MTRFR: variants seen among roughly 807,000 people sequenced by gnomAD.
MTRFR encodes mitochondrial translation release factor in rescue.
A neutral mutation model predicts 11.9 loss-of-function variants in MTRFR; 10 were observed. The ratio of observed to expected loss-of-function variants is 0.84; its 90% confidence interval spans 0.52 to 1.42. The LOEUF (loss-of-function observed/expected upper bound fraction) is 1.42, where lower values mean the gene tolerates loss of function less well. Among genes scored for constraint, MTRFR ranks in the 40% most tolerant of loss-of-function variants. The pLI, the probability that MTRFR is intolerant of heterozygous loss-of-function variation, is 0.00. For synonymous variants in MTRFR, 77 were observed against 79.1 expected, an observed-to-expected ratio of 0.97 and a Z score of 0.14; for missense variants, 196 against 197.9, an observed-to-expected ratio of 0.99 and a Z score of 0.06.
At chr12:123,244,975 T>C (rs1593279695) in intron 1 of MTRFR, among the ~76,000 whole-genome samples, 1 of 113,906 alleles carries the variant, frequency 8.8e-6, no homozygotes, top group East Asian at 2.9e-4. Context: ...AGAGTCTTAC[T>C]CTTGTCACCC....
intron 1 of MTRFR, among the ~76,000 whole-genome samples, chr12:123,242,537 T>C (rs758962013): frequency 6.6e-6 from 1 of 152,144 alleles, no homozygotes; most frequent in Non-Finnish European, 1.5e-5. Flanking sequence ...TTAGCAGTCA[T>C]TGGAGTAGGG....
chr12:123,250,679 G>T (rs1017185732), intron 1 of MTRFR: 2 of 152,220 alleles, frequency 1.3e-5, no homozygotes, highest in Non-Finnish European at 2.9e-5. Flanking sequence ...GGTACTGGAG[G>T]TTATCTGCAG....
At chr12:123,252,630 C>G (rs958401481) in intron 1 of MTRFR, 40 of 10,236 alleles carry the variant, frequency 3.9e-3, no homozygotes, top group African/African-American at 3.9e-3. Flanking sequence ...AAATAGACTA[C>G]TCAGCCCTGG....
chr12:123,241,968 T>G (rs191869733), intron 1 of MTRFR, among the ~76,000 whole-genome samples: 1 of 152,336 alleles, frequency 6.6e-6, no homozygotes, highest in East Asian at 1.9e-4. Context: ...GAACCACTGC[T>G]CTATAGTATG....
upstream of MTRFR, chr12:123,233,361 G>T (rs997164591): frequency 6.6e-6 from 1 of 152,294 alleles, no homozygotes; most frequent in Non-Finnish European, 1.5e-5. Context: ...AGGGAAAGAA[G>T]CTTCAGTTTC....
At chr12:123,240,209 CAAA>C (rs55859746) in intron 1 of MTRFR, among the ~76,000 whole-genome samples, 70,428 of 135,148 alleles carry the variant, frequency 0.52, 21,037 homozygotes, top group East Asian at 0.69. Flanking sequence ...ATTAAAAATA[CAAA>C]AAAAAAAAAA....
At chr12:123,244,489 T>A (rs1363118182) in intron 1 of MTRFR, among the ~76,000 whole-genome samples, 3 of 152,186 alleles carry the variant, frequency 2.0e-5, no homozygotes, top group Non-Finnish European at 2.9e-5. Flanking sequence ...CTACATAATC[T>A]ACTAAGTAAT....
intron 1 of MTRFR, among the ~76,000 whole-genome samples, chr12:123,246,711 T>A (rs1052130158): frequency 1.2e-3 from 5 of 4,196 alleles, no homozygotes; most frequent in African/African-American, 1.3e-3. Flanking sequence ...TAATTTCAAT[T>A]TTTTTTTTTT....
At chr12:123,250,305 A>G (rs550160690) in intron 1 of MTRFR, 1 of 152,154 alleles carries the variant, frequency 6.6e-6, no homozygotes, top group African/African-American at 2.4e-5. Context: ...GGATTTCCTT[A>G]CATTGGGCTT....
intron 1 of MTRFR, among the ~76,000 whole-genome samples, chr12:123,240,212 A>T (rs1216284950): frequency 9.1e-5 from 1 of 10,992 alleles, no homozygotes; most frequent in Non-Finnish European, 4.2e-3. Context: ...AAAAATACAA[A>T]AAAAAAAAAA....
In MTRFR at chr12:123,256,848, G is replaced by A. The variant is rs770782497; in HGVS notation, c.318G>A (p.Lys106=). The change falls in exon 3 of 3, where the codon AAG becomes AAA. Residue 106 remains lysine, a synonymous_variant. Transcript: ENST00000253233. ...CAAGATCAGTTGATCAGAACAGAAA[G>A]CTAGCTCGGAAAATCCTACAAGAGA... is the stretch of plus-strand genomic sequence containing the variant. ...HQTRSVDQNR[K]LARKILQEKV... 2.5e-6 allele frequency: 4 copies of A among 1,613,628 alleles called. No homozygotes were observed. Among genetic ancestry groups the A allele is most frequent in the Admixed American group, 1.7e-5 (1 of 59,970 alleles).
chr12:123,235,634 G>A (rs374563035), intron 1 of MTRFR, among the ~76,000 whole-genome samples: 28 of 149,834 alleles, frequency 1.9e-4, no homozygotes, highest in African/African-American at 6.4e-4. Context: ...GGCCTCCCAC[G>A]GTGCTGGGAT....
At chr12:123,243,214 C>T (rs990767385) in intron 1 of MTRFR, among the ~76,000 whole-genome samples, 2 of 151,852 alleles carry the variant, frequency 1.3e-5, no homozygotes, top group Admixed American at 6.6e-5. Flanking sequence ...GAGCATCTTG[C>T]CAATACCATC....
chr12:123,238,029 G>T (rs762922604), intron 1 of MTRFR, among the ~76,000 whole-genome samples: 1 of 151,814 alleles, frequency 6.6e-6, no homozygotes, highest in Middle Eastern at 3.4e-3. Flanking sequence ...CCGAGTAGCC[G>T]GGACTACAGG....
At chr12:123,254,082 A>G (rs1593287898) in intron 2 of MTRFR, 126 bp downstream of exon 2, 12 of 1,162,618 alleles carry the variant, frequency 1.0e-5, no homozygotes. Context: ...GCCACCCTCT[A>G]CCAGCCAGGC....
chr12:123,257,675 C>G lies in MTRFR; in HGVS notation c.*644C>G, dbSNP rs776036162. The G allele has an allele frequency of 1.3e-5, 2 of 152,678 alleles. No individual in the cohort carries two copies. The highest frequency in any genetic ancestry group is 2.4e-5 in the African/African-American group (1 of 41,446). The allele number at this position is 152,678 out of a possible 1,614,324, so 9.5% of individuals were successfully genotyped here. ...ACTGCACTCCACCTGTCCACTTGTT[C>G]TTGTGTGACAGAACAAGACCCTGTC... On this transcript the variant is annotated 3_prime_UTR_variant, in exon 3 of 3. Transcript: ENST00000253233.
intron 1 of MTRFR, chr12:123,250,633 G>C (rs1312549219): frequency 1.3e-5 from 2 of 152,188 alleles, no homozygotes; most frequent in African/African-American, 4.8e-5. Context: ...TCTCTTCTGG[G>C]TCTAGCCACC....
chr12:123,243,999 G>A (rs947289436), intron 1 of MTRFR: 3 of 152,248 alleles, frequency 2.0e-5, no homozygotes, highest in African/African-American at 7.2e-5. Context: ...CAAAGCTGTG[G>A]AGTGATCTGC....
intron 1 of MTRFR, among the ~76,000 whole-genome samples, chr12:123,242,256 AG>A (rs768835740): frequency 2.0e-4 from 30 of 152,182 alleles, no homozygotes; most frequent in Non-Finnish European, 3.5e-4. Context: ...AGTAGAGCCT[AG>A]GGAGTCAGGG....
Sources: gnomAD v4.1 joint callset for allele counts (sites outside exome capture counted in the v4.1 genomes callset) on GRCh38, gnomAD v4.1.1 for gene constraint, MANE v1.5 for transcripts, NCBI Gene and HGNC (gene_info 2026-07-23, HGNC 2026-07-21) for gene names.